The following CSMD1 variants were observed in gnomAD, a reference collection of about 807,000 sequenced individuals.
The protein encoded by CSMD1 is CUB and Sushi multiple domains 1.
A neutral mutation model predicts 417.5 loss-of-function variants in CSMD1; 213 were observed. The observed-to-expected ratio is 0.51, with a 90% CI of 0.46 to 0.57. CSMD1 has a LOEUF of 0.57. CSMD1 is among the 20% of genes least tolerant of loss of function. CSMD1 has a pLI of 0.00. For missense variants in CSMD1, 6,923 were observed against 4,529.7 expected, an observed-to-expected ratio of 1.53 and a Z score of -15.17; for synonymous variants, 2,862 against 1,736.8, an observed-to-expected ratio of 1.65 and a Z score of -16.11.
chr8:3,725,214 A>C (rs1279029162), intron 6 of CSMD1, among the ~76,000 whole-genome samples: 1 of 152,102 alleles, frequency 6.6e-6, no homozygotes, highest in East Asian at 1.9e-4. Flanking sequence ...AAGTGAAAAG[A>C]GATTAGTGTT....
intron 44 of CSMD1, among the ~76,000 whole-genome samples, chr8:3,108,383 T>C (rs1227356806): frequency 2.0e-5 from 3 of 152,308 alleles, no homozygotes; most frequent in Admixed American, 6.5e-5. Context: ...TTAGGATACA[T>C]GTATCTTGGA....
chr8:3,307,570 C>G, intron 25 of CSMD1, 125 bp downstream of exon 25: 4 of 1,156,072 alleles, frequency 3.5e-6, no homozygotes, highest in Non-Finnish European at 4.9e-6. Context: ...TTAGCTACAG[C>G]TTTACCTTTT....
At chr8:4,792,303 CT>C (rs1797734808) in intron 1 of CSMD1, among the ~76,000 whole-genome samples, 1 of 152,158 alleles carries the variant, frequency 6.6e-6, no homozygotes. Flanking sequence ...TGCATGGTCC[CT>C]AAGAGTTCTA....
At chr8:3,141,627 C>T (rs191902558) in intron 41 of CSMD1, among the ~76,000 whole-genome samples, 5 of 152,202 alleles carry the variant, frequency 3.3e-5, no homozygotes, top group African/African-American at 1.2e-4. Context: ...GCAGACCCTG[C>T]ACCTGGTGGA....
intron 54 of CSMD1, among the ~76,000 whole-genome samples, chr8:2,986,838 A>T (rs907463998): frequency 6.6e-6 from 1 of 152,128 alleles, no homozygotes; most frequent in Admixed American, 6.5e-5. Context: ...AAATATGCCT[A>T]ATGCAAAGGA....
intron 12 of CSMD1, among the ~76,000 whole-genome samples, chr8:3,444,064 G>T (rs1239362939): frequency 2.0e-5 from 3 of 151,978 alleles, no homozygotes; most frequent in African/African-American, 7.3e-5. Context: ...TTGTCTCTTT[G>T]TTCTATACAC....
intron 1 of CSMD1, among the ~76,000 whole-genome samples, chr8:4,931,467 C>G (rs1807241855): frequency 6.6e-6 from 1 of 152,222 alleles, no homozygotes; most frequent in Non-Finnish European, 1.5e-5. Flanking sequence ...TGCCCACCGT[C>G]TGTCCCAGCA....
chr8:3,539,039 A>C (rs1228490873), intron 10 of CSMD1, among the ~76,000 whole-genome samples: 1 of 152,134 alleles, frequency 6.6e-6, no homozygotes, highest in Non-Finnish European at 1.5e-5. Context: ...AGCCTGAAAC[A>C]CCCAGAGATG....
intron 37 of CSMD1, 141 bp from the exon 38 acceptor site, chr8:3,162,418 A>G: frequency 1.6e-6 from 1 of 633,152 alleles, no homozygotes; most frequent in Non-Finnish European, 2.8e-6. Context: ...TATTCTACCA[A>G]GAAGACTTTG....
At chr8:3,845,668 ATAAGT>A (rs1289777346) in intron 5 of CSMD1, among the ~76,000 whole-genome samples, 6 of 152,172 alleles carry the variant, frequency 3.9e-5, no homozygotes, top group African/African-American at 1.4e-4. Flanking sequence ...GTCTTCAATA[ATAAGT>A]TAACTTTAGC....
intron 3 of CSMD1, among the ~76,000 whole-genome samples, chr8:4,158,213 G>A (rs552557255): frequency 1.3e-5 from 2 of 150,462 alleles, no homozygotes; most frequent in South Asian, 2.1e-4. Flanking sequence ...TACTTATTTT[G>A]GCACCATTGA....
chr8:4,077,293 A>ATG lies in CSMD1; in HGVS notation c.416-45196_416-45195dup, dbSNP rs1432046598. Among the ~76,000 whole-genome samples the ATG allele has an allele frequency of 1.8e-3, 148 of 84,534 alleles. 1 individual carries two copies. The highest frequency in any genetic ancestry group is 6.1e-3 in the African/African-American group (141 of 23,138). The allele number at this position is 84,534 out of a possible 152,430, so 55.5% of individuals were successfully genotyped here. Reference sequence around the variant, plus strand: ...CCATTTGTCACCTATATATATATATATGTGTATATATATATATATATATAT... The same window carrying ATG: ...CCATTTGTCACCTATATATATATATATGTGTGTATATATATATATATATATAT... On this transcript the variant is annotated intron_variant, in intron 3 of 69. Coordinates refer to ENST00000635120, the MANE Select transcript of CSMD1 (RefSeq NM_033225.6).
chr8:3,706,659 A>T (rs17067079), intron 7 of CSMD1, among the ~76,000 whole-genome samples: 146,952 of 152,252 alleles, frequency 0.97, 71,086 homozygotes, highest in Non-Finnish European at 1. Flanking sequence ...TGATGCCCAA[A>T]TGATCGGATA....
At chr8:2,965,056 T>C (rs527263221) in intron 59 of CSMD1, among the ~76,000 whole-genome samples, 6 of 152,308 alleles carry the variant, frequency 3.9e-5, no homozygotes, top group Non-Finnish European at 5.9e-5. Flanking sequence ...GTCCTTCCTC[T>C]GCACCAGCTG....
chr8:3,513,073 T>G (rs1367474863), intron 10 of CSMD1, among the ~76,000 whole-genome samples: 1 of 152,136 alleles, frequency 6.6e-6, no homozygotes, highest in African/African-American at 2.4e-5. Context: ...TAGCTGTGTT[T>G]TCATGGTCAT....
chr8:3,231,698 C>A (rs1226120641), intron 26 of CSMD1, among the ~76,000 whole-genome samples: 3 of 151,988 alleles, frequency 2.0e-5, no homozygotes, highest in South Asian at 4.2e-4. Context: ...ATTAAAAGAC[C>A]AAAGCTCTAT....
At chr8:3,170,775 A>G (rs919441490) in intron 37 of CSMD1, among the ~76,000 whole-genome samples, 2 of 152,244 alleles carry the variant, frequency 1.3e-5, no homozygotes, top group African/African-American at 4.8e-5. Context: ...TGTATTTAAA[A>G]TGGACTATTG....
At chr8:4,965,493 C>T (rs996115732) in intron 1 of CSMD1, among the ~76,000 whole-genome samples, 18 of 152,218 alleles carry the variant, frequency 1.2e-4, no homozygotes, top group African/African-American at 4.3e-4. Flanking sequence ...AGAAGGATGA[C>T]TGAGTCTCTG....
chr8:3,838,948 T>A (rs1418748184), intron 5 of CSMD1, among the ~76,000 whole-genome samples: 12 of 103,632 alleles, frequency 1.2e-4, no homozygotes, highest in Non-Finnish European at 1.8e-4. Flanking sequence ...AATAAAAAAT[T>A]AATATCTATA....
Sources: allele counts gnomAD v4.1 joint callset (sites outside exome capture counted in the v4.1 genomes callset), GRCh38; gene constraint gnomAD v4.1.1; transcripts MANE v1.5; gene names NCBI Gene and HGNC (gene_info 2026-07-23, HGNC 2026-07-21).